The following CNTN6 variants were observed in gnomAD, a reference collection of about 807,000 sequenced individuals.
CNTN6 encodes contactin 6.
In CNTN6, 137 loss-of-function variants were observed where a neutral mutation model predicts 122.8. That is an observed-to-expected ratio of 1.12 (90% CI 0.97 to 1.29). The LOEUF (loss-of-function observed/expected upper bound fraction) is 1.29. Ranked by LOEUF, CNTN6 falls within the 50% of genes most tolerant of loss-of-function variation. The probability of loss-of-function intolerance (pLI) is 0.00; values close to 1 mark genes in which losing one functional copy is unlikely to be tolerated. For synonymous variants in CNTN6, 570 were observed against 426.0 expected, an observed-to-expected ratio of 1.34 and a Z score of -4.16; for missense variants, 1,634 against 1,223.4, an observed-to-expected ratio of 1.34 and a Z score of -5.01.
intron 1 of CNTN6, among the ~76,000 whole-genome samples, chr3:1,134,116 C>T (rs2092410087): frequency 6.6e-6 from 1 of 152,114 alleles, no homozygotes; most frequent in South Asian, 2.1e-4. Flanking sequence ...GATCTGGGTA[C>T]AAGGCCCCGA....
intron 11 of CNTN6, 137 bp downstream of exon 11, chr3:1,330,072 TTCTCATCATA>T: frequency 3.8e-6 from 2 of 532,712 alleles, no homozygotes; most frequent in African/African-American, 3.9e-5. Flanking sequence ...GCCAGCATTC[TTCTCATCATA>T]GTAAAATTGT....
At chr3:1,135,435 G>C (rs908703645) in intron 1 of CNTN6, among the ~76,000 whole-genome samples, 1 of 152,140 alleles carries the variant, frequency 6.6e-6, no homozygotes, top group Non-Finnish European at 1.5e-5. Flanking sequence ...AACAGAAACA[G>C]AATGGAATCA....
intron 5 of CNTN6, 94 bp downstream of exon 5, chr3:1,278,602 C>CA: frequency 1.4e-6 from 1 of 737,848 alleles, no homozygotes; most frequent in South Asian, 2.1e-5. Flanking sequence ...CACCTTTTAT[C>CA]AAATCAAAGA....
At chr3:1,164,883 A>G (rs1357934482) in intron 2 of CNTN6, among the ~76,000 whole-genome samples, 1 of 152,198 alleles carries the variant, frequency 6.6e-6, no homozygotes, top group Non-Finnish European at 1.5e-5. Flanking sequence ...TAAGGACTCA[A>G]GGTACATTAT....
intron 5 of CNTN6, among the ~76,000 whole-genome samples, chr3:1,285,019 T>C (rs1694096986): frequency 6.6e-6 from 1 of 152,094 alleles, no homozygotes; most frequent in Non-Finnish European, 1.5e-5. Context: ...TTCAGAAGAG[T>C]GACATGCTTT....
chr3:1,306,979 G>A (rs1698462304), intron 7 of CNTN6, among the ~76,000 whole-genome samples: 1 of 152,164 alleles, frequency 6.6e-6, no homozygotes, highest in Non-Finnish European at 1.5e-5. Flanking sequence ...TAGCAAATAT[G>A]TATTGAATAC....
Position 1,324,630 on chromosome 3 carries a change from C to A in CNTN6, c.947-1185C>A, listed in dbSNP as rs561339177. Among the ~76,000 whole-genome samples the A allele has an allele frequency of 9.3e-5, 14 of 149,806 alleles. No homozygotes were observed. In the South Asian group the frequency reaches 2.9e-3, roughly 31 times the overall value. On this transcript the variant is annotated intron_variant, in intron 8 of 22. Transcript: ENST00000446702. ...CCTGGGTAGACAGCTCTAAAGACTG[C>A]TTAGAAGTTGACATAAGATGGAGAA...
At chr3:1,226,169 G>T (rs924944651) in intron 3 of CNTN6, among the ~76,000 whole-genome samples, 1 of 151,934 alleles carries the variant, frequency 6.6e-6, no homozygotes, top group African/African-American at 2.4e-5. Context: ...ATGAGTTTCT[G>T]CACCCAACCT....
chr3:1,356,483 G>A (rs1422843197), intron 12 of CNTN6, among the ~76,000 whole-genome samples: 1 of 151,734 alleles, frequency 6.6e-6, no homozygotes, highest in African/African-American at 2.4e-5. Flanking sequence ...AGTTTACTAA[G>A]AGAAATGCCC....
At chr3:1,167,683 G>C (rs1011235375) in intron 2 of CNTN6, among the ~76,000 whole-genome samples, 1 of 152,126 alleles carries the variant, frequency 6.6e-6, no homozygotes, top group African/African-American at 2.4e-5. Flanking sequence ...GGAAGGGTAA[G>C]AAGCTTGCCC....
intron 4 of CNTN6, among the ~76,000 whole-genome samples, chr3:1,268,142 C>G (rs2094956033): frequency 6.6e-6 from 1 of 152,204 alleles, no homozygotes; most frequent in African/African-American, 2.4e-5. Flanking sequence ...TGCCAAAAGG[C>G]AAAGCCCAAG....
chr3:1,100,522 C>A (rs2090829699), intron 1 of CNTN6, among the ~76,000 whole-genome samples: 1 of 152,138 alleles, frequency 6.6e-6, no homozygotes, highest in Non-Finnish European at 1.5e-5. Context: ...TAGGCCTCTG[C>A]AAGCTCCTAA....
At chr3:1,324,617 G>A (rs1157342810) in intron 8 of CNTN6, among the ~76,000 whole-genome samples, 4 of 149,732 alleles carry the variant, frequency 2.7e-5, no homozygotes, top group Non-Finnish European at 5.9e-5. Flanking sequence ...TGGGTAGACA[G>A]CTCTAAAGAC....
chr3:1,203,813 C>T (rs1271644144), intron 2 of CNTN6, among the ~76,000 whole-genome samples: 1 of 152,130 alleles, frequency 6.6e-6, no homozygotes, highest in African/African-American at 2.4e-5. Flanking sequence ...ACATTTTGGT[C>T]AATGACCGAC....
chr3:1,324,753 G>C (rs780490679), intron 8 of CNTN6, among the ~76,000 whole-genome samples: 6 of 148,944 alleles, frequency 4.0e-5, no homozygotes, highest in Admixed American at 2.0e-4. Context: ...CTTTTCCCTT[G>C]GGCTAACATT....
Position 1,228,612 on chromosome 3 carries a change from A to T in CNTN6, c.358+619A>T, listed in dbSNP as rs374193239. Among the ~76,000 whole-genome samples the T allele has an allele frequency of 5.9e-5, 9 of 152,152 alleles. No homozygotes were observed. The East Asian group carries it at 1.3e-3, about 23-fold the overall frequency. On this transcript the variant is annotated intron_variant, in intron 4 of 22. Transcript: ENST00000446702. The stretch of plus-strand genomic sequence containing the variant: ...GTGTTTCCAGGGACTGAAATGTTTC[A>T]TACTGGATTCAGCAAAAGCCTTGCT...
At chr3:1,124,898 T>C (rs1197829090) in intron 1 of CNTN6, among the ~76,000 whole-genome samples, 1 of 151,966 alleles carries the variant, frequency 6.6e-6, no homozygotes, top group Non-Finnish European at 1.5e-5. Flanking sequence ...TAAAATCACG[T>C]GTTAATTTCT....
intron 2 of CNTN6, among the ~76,000 whole-genome samples, chr3:1,210,225 C>T (rs3772346): frequency 0.43 from 65,104 of 151,776 alleles, 14,584 homozygotes; most frequent in African/African-American, 0.57. Flanking sequence ...CTTGACCTCT[C>T]TAGAATTACT....
intron 12 of CNTN6, among the ~76,000 whole-genome samples, chr3:1,358,174 TA>T (rs1170420642): frequency 6.6e-6 from 1 of 151,818 alleles, no homozygotes; most frequent in Non-Finnish European, 1.5e-5. Context: ...TTTATTAAAA[TA>T]AAAAAACACT....
Sources: allele counts gnomAD v4.1 joint callset (sites outside exome capture counted in the v4.1 genomes callset), GRCh38; gene constraint gnomAD v4.1.1; transcripts MANE v1.5; gene names NCBI Gene and HGNC (gene_info 2026-07-23, HGNC 2026-07-21).